The following C10orf67 variants were observed in gnomAD, a reference collection of about 807,000 sequenced individuals.
The protein encoded by C10orf67 is chromosome 10 open reading frame 67.
Under a neutral mutation model 35.6 loss-of-function variants are expected in C10orf67, and 60 were observed. The observed-to-expected ratio is 1.68, with a 90% CI of 1.37 to 2.09. The LOEUF (loss-of-function observed/expected upper bound fraction) is 2.09. C10orf67 is among the 30% of genes most tolerant of loss of function. The pLI is 0.00. For missense variants in C10orf67, 474 were observed against 330.2 expected (o/e 1.44, Z -3.38); for synonymous variants, 167 against 115.8 (o/e 1.44, Z -2.84).
chr10:23,269,266 T>C (rs1469437016), intron 8 of C10orf67, among the ~76,000 whole-genome samples: 3 of 152,154 alleles, frequency 2.0e-5, no homozygotes, highest in African/African-American at 7.2e-5. Flanking sequence ...AAGAAATAAA[T>C]AGATATATAA....
In C10orf67 at chr10:23,203,860, A is replaced by G. The variant is rs1013601279; in HGVS notation, c.*313T>C. On this transcript the variant is annotated 3_prime_UTR_variant, in exon 16 of 16. Transcript: ENST00000636213. The stretch of plus-strand genomic sequence containing the variant: ...TTTTAATTAAAGTCCGTCCCTTCCC[A>G]CTCTTAGACGCCTGGGCTCTTCTGA... 8.4e-6 allele frequency: 2 copies of G among 238,610 alleles called. No homozygotes were observed. The highest frequency in any genetic ancestry group is 5.6e-5 in the Admixed American group (1 of 17,788). 14.8% of individuals were successfully genotyped at this position (238,610 alleles called of 1,614,324 possible).
chr10:23,263,231 T>C (rs1038458582), intron 10 of C10orf67, among the ~76,000 whole-genome samples: 5 of 152,212 alleles, frequency 3.3e-5, no homozygotes, highest in African/African-American at 1.2e-4. Context: ...GCAGATTATA[T>C]TGTTTTCTTC....
chr10:23,250,440 T>C lies in C10orf67; in HGVS notation c.1346+15A>G. 1 of 398,534 alleles carries C rather than the reference T, an allele frequency of 2.5e-6. No individual in the cohort carries two copies. Among genetic ancestry groups the C allele is most frequent in the Non-Finnish European group, 4.4e-6 (1 of 225,796 alleles). The allele number at this position is 398,534 out of a possible 1,614,324, so 24.7% of individuals were successfully genotyped here. A position where few individuals can be genotyped will look rare whatever the true frequency, so the allele number is the denominator to read the frequency against. ...CATGTTTTTAGAAATAGAATTTGTA[T>C]ATTTCACACCATACCTGTTCCTGAG... On this transcript the variant is annotated intron_variant, in intron 12 of 15. Transcript: ENST00000636213.
chr10:23,318,999 T>C (rs1430430457), intron 4 of C10orf67: 4 of 717,624 alleles, frequency 5.6e-6, no homozygotes, highest in African/African-American at 5.3e-5. Flanking sequence ...GAACCCTTTT[T>C]TTTCTTTCCA....
chr10:23,240,465 C>T (rs1429450775), intron 12 of C10orf67, among the ~76,000 whole-genome samples: 7 of 152,196 alleles, frequency 4.6e-5, no homozygotes, highest in African/African-American at 7.2e-5. Flanking sequence ...CAGTAATCAA[C>T]TTGAAAGAGT....
intron 15 of C10orf67, among the ~76,000 whole-genome samples, chr10:23,210,948 C>A (rs1183667072): frequency 6.6e-6 from 1 of 152,222 alleles, no homozygotes; most frequent in Non-Finnish European, 1.5e-5. Flanking sequence ...TGAAAACATA[C>A]TGCCACTGAA....
intron 15 of C10orf67, among the ~76,000 whole-genome samples, chr10:23,207,404 T>C (rs991414601): frequency 2.0e-5 from 3 of 152,368 alleles, no homozygotes; most frequent in African/African-American, 7.2e-5. Flanking sequence ...TTTTATTTTT[T>C]GCCTTTTTCA....
chr10:23,342,688 G>GC (rs1336228632), intron 1 of C10orf67, among the ~76,000 whole-genome samples: 1 of 152,194 alleles, frequency 6.6e-6, no homozygotes, highest in Admixed American at 6.5e-5. Context: ...ATCACGTGCT[G>GC]CCTCTAATAA....
chr10:23,292,065 T>G (rs1843734261), intron 5 of C10orf67, among the ~76,000 whole-genome samples: 1 of 152,106 alleles, frequency 6.6e-6, no homozygotes, highest in Non-Finnish European at 1.5e-5. Flanking sequence ...TCATTTACAT[T>G]TTTATTATGT....
intron 8 of C10orf67, among the ~76,000 whole-genome samples, chr10:23,272,487 C>A (rs988297750): frequency 5.3e-5 from 8 of 152,204 alleles, no homozygotes; most frequent in Non-Finnish European, 8.8e-5. Context: ...GGTCAGAAAT[C>A]AATTCATTAT....
At chr10:23,277,569 A>G (rs1279964259) in intron 8 of C10orf67, among the ~76,000 whole-genome samples, 1 of 149,130 alleles carries the variant, frequency 6.7e-6, no homozygotes, top group African/African-American at 2.5e-5. Context: ...AAAAAAAAAT[A>G]ATAACACACA....
At chr10:23,300,511 G>A (rs765456603) in intron 5 of C10orf67, among the ~76,000 whole-genome samples, 1 of 152,082 alleles carries the variant, frequency 6.6e-6, no homozygotes, top group Non-Finnish European at 1.5e-5. Context: ...TTTTTCTAAT[G>A]TCTGCAGCTG....
intron 7 of C10orf67, among the ~76,000 whole-genome samples, chr10:23,283,361 T>G (rs1322907614): frequency 6.6e-6 from 1 of 152,226 alleles, no homozygotes; most frequent in African/African-American, 2.4e-5. Context: ...TTCAATTTAA[T>G]TAATTCATGT....
At position 23,253,517 on chromosome 10, in the gene C10orf67, TA is replaced by T. The variant is rs1166525605; in HGVS notation, c.1201-2827del. 3.3e-5 allele frequency among the ~76,000 whole-genome samples: 5 copies of T among 151,950 alleles called. No individual in the cohort carries two copies. The East Asian group carries it at 5.8e-4, about 18-fold the overall frequency. On this transcript the variant is annotated intron_variant, in intron 10 of 15. Coordinates refer to ENST00000636213, the MANE Select transcript of C10orf67 (RefSeq NM_001371909.1). ...TCAGGGAGAACACTTGCCATTATGC[TA>T]AAAAAAATTAACCCAAATTAAAAAA...
intron 15 of C10orf67, among the ~76,000 whole-genome samples, chr10:23,220,114 G>A (rs1841538671): frequency 6.6e-6 from 1 of 152,054 alleles, no homozygotes; most frequent in Admixed American, 6.6e-5. Context: ...TGAGACTGCA[G>A]TGAGCTATGA....
At chr10:23,243,907 C>G (rs1274990663) in intron 12 of C10orf67, among the ~76,000 whole-genome samples, 3 of 151,962 alleles carry the variant, frequency 2.0e-5, no homozygotes, top group African/African-American at 4.8e-5. Flanking sequence ...TCTTTTTTAT[C>G]TTGAGAAAAG....
intron 12 of C10orf67, among the ~76,000 whole-genome samples, chr10:23,247,908 T>C (rs1406318896): frequency 6.6e-6 from 1 of 152,144 alleles, no homozygotes; most frequent in Non-Finnish European, 1.5e-5. Flanking sequence ...GGTGTTTACT[T>C]TGTTGAAGTA....
chr10:23,254,566 C>T (rs1023150265), intron 10 of C10orf67, among the ~76,000 whole-genome samples: 2 of 152,048 alleles, frequency 1.3e-5, no homozygotes, highest in Non-Finnish European at 2.9e-5. Flanking sequence ...TTTGTATATA[C>T]ATTTATAATT....
rs932205335 is a variant in C10orf67, at chr10:23,250,658, C to A, written c.1234G>T (p.Glu412Ter). 5.0e-6 allele frequency: 2 copies of A among 398,612 alleles called. No homozygotes were observed. The highest frequency in any genetic ancestry group is 8.9e-6 in the Non-Finnish European group (2 of 225,860). The allele number at this position is 398,612 out of a possible 1,614,324, so 24.7% of individuals were successfully genotyped here. ...TTCTCTAAATTTGCCTTTAATGCTT[C>A]TATTTGAGACTCCAAACCATGTTTG... ...EDKHGLESQI[E>*]ALKANLENEK... Residue 412 changes from glutamate (E) to a stop codon, truncating the protein, a stop_gained, in exon 11 of 16, where the codon GAA becomes TAA. Transcript: ENST00000636213. LOFTEE classifies it high-confidence loss of function.
Sources: gnomAD v4.1 joint callset for allele counts (sites outside exome capture counted in the v4.1 genomes callset) on GRCh38, gnomAD v4.1.1 for gene constraint, MANE v1.5 for transcripts, NCBI Gene and HGNC (gene_info 2026-07-23, HGNC 2026-07-21) for gene names.